MYO7B: variants seen among roughly 807,000 people sequenced by gnomAD.
The protein encoded by MYO7B is unconventional myosin-VIIb.
MYO7B carries 212 observed loss-of-function variants against 259.7 expected under a neutral mutation model. That is an observed-to-expected ratio of 0.82 (90% CI 0.73 to 0.91). MYO7B has a LOEUF of 0.91. MYO7B is among the 40% of genes least tolerant of loss of function. The probability of loss-of-function intolerance (pLI) is 0.00; values close to 1 mark genes in which losing one functional copy is unlikely to be tolerated. For synonymous variants in MYO7B, 1,197 were observed against 1,166.4 expected (o/e 1.03, Z -0.54); for missense variants, 2,732 against 2,813.5 (o/e 0.97, Z 0.66).
intron 1 of MYO7B, among the ~76,000 whole-genome samples, chr2:127,558,581 ATG>A (rs1677923234): frequency 6.6e-6 from 1 of 152,238 alleles, no homozygotes; most frequent in African/African-American, 2.4e-5. Flanking sequence ...AATTGCAAAA[ATG>A]TGGAACCAGC....
Position 127,620,375 on chromosome 2 carries a change from C to A in MYO7B, c.3434C>A (p.Ser1145Ter). 6.2e-7 allele frequency: 1 copy of A among 1,612,246 alleles called. No individual in the cohort carries two copies. Among genetic ancestry groups the A allele is most frequent in the Non-Finnish European group, 8.5e-7 (1 of 1,178,660 alleles). Residue 1145 changes from serine (S) to a stop codon, truncating the protein, a stop_gained, in exon 27 of 48, where the codon TCG (serine) becomes TAG (stop). Transcript: ENST00000409816. LOFTEE classifies it high-confidence loss of function. Reference protein sequence around the residue: ...EIYCQICKQLSENFKTSSLAR... With the variant: ...EIYCQICKQL The stretch of plus-strand genomic sequence containing the variant: ...TACTGCCAGATCTGCAAGCAGCTCT[C>A]GGAGAACTTCAAAACAAGCAGCCTG...
At chr2:127,620,277 T>A (rs1558840930) in intron 26 of MYO7B, 63 bp from the exon 27 acceptor site, 22 of 1,548,618 alleles carry the variant, frequency 1.4e-5, no homozygotes, top group African/African-American at 4.1e-5. Context: ...TGTGCCCAGG[T>A]ACCCCTGTCT....
At position 127,624,227 on chromosome 2, in the gene MYO7B, CT is replaced by C. The variant is rs1680992367; in HGVS notation, c.3955del (p.Trp1319GlyfsTer135). On this transcript the variant is annotated frameshift_variant, in exon 30 of 48. Coordinates refer to ENST00000409816, the MANE Select transcript of MYO7B (RefSeq NM_001393586.1). LOFTEE classifies it high-confidence loss of function. ...IYFRKEFFTPWHDSREDPVST... is the reference protein window; with the variant it reads ...IYFRKEFFTPXHDSREDPVST... ...ACTTCCGGAAGGAATTCTTCACCCCCTGGCACGACTCCCGGGAGGACCCTGT... is the reference window on the plus strand; with the variant it reads ...ACTTCCGGAAGGAATTCTTCACCCCCGGCACGACTCCCGGGAGGACCCTGT... The C allele has an allele frequency of 1.3e-6, 2 of 1,597,654 alleles. No homozygotes were observed. Among genetic ancestry groups the C allele is most frequent in the Non-Finnish European group, 8.5e-7 (1 of 1,172,870 alleles).
At chr2:127,637,079 C>T in intron 47 of MYO7B, 166 bp downstream of exon 47, 2 of 1,286,486 alleles carry the variant, frequency 1.6e-6, no homozygotes, top group Non-Finnish European at 2.2e-6. Flanking sequence ...CCAGGACCAG[C>T]AGCCAAGGTG....
intron 35 of MYO7B, 61 bp from the exon 36 acceptor site, chr2:127,630,717 C>G: frequency 6.3e-7 from 1 of 1,598,212 alleles, no homozygotes; most frequent in Non-Finnish European, 8.5e-7. Flanking sequence ...CGGGAGGAGC[C>G]TGCAGGAAGG....
At chr2:127,565,628 C>A (rs1200503283) in intron 4 of MYO7B, among the ~76,000 whole-genome samples, 2 of 152,242 alleles carry the variant, frequency 1.3e-5, no homozygotes, top group African/African-American at 2.4e-5. Flanking sequence ...AGTCTCTGCT[C>A]AGTGAGGGCT....
Position 127,577,866 on chromosome 2 carries a change from G to T in MYO7B, c.850-267G>T, listed in dbSNP as rs1678937632. Among the ~76,000 whole-genome samples the T allele has an allele frequency of 6.6e-6, 1 of 152,188 alleles. No homozygotes were observed. The highest frequency in any genetic ancestry group is 2.1e-4 in the South Asian group (1 of 4,832). ...TCCCCCAGAGAGACAAGGCAAGCTC[G>T]AGTAGGGACGAACGACAAATAGAGG... On this transcript the variant is annotated intron_variant, in intron 8 of 47. Coordinates refer to ENST00000409816, the MANE Select transcript of MYO7B (RefSeq NM_001393586.1). The surrounding 1 kb of genome is among the most constrained non-coding windows in gnomAD (Gnocchi z 5.2).
At chr2:127,616,746 CAG>C (rs1276620963) in intron 26 of MYO7B, among the ~76,000 whole-genome samples, 2 of 152,238 alleles carry the variant, frequency 1.3e-5, no homozygotes, top group South Asian at 2.1e-4. Flanking sequence ...ACCCCTGAAG[CAG>C]AGCTGTGGCC....
At chr2:127,558,823 T>C (rs901398667) in intron 1 of MYO7B, among the ~76,000 whole-genome samples, 1 of 152,100 alleles carries the variant, frequency 6.6e-6, no homozygotes, top group Non-Finnish European at 1.5e-5. Flanking sequence ...TTCTCACTCA[T>C]AAGTGGGAGC....
Position 127,609,758 on chromosome 2 carries a change from A to G in MYO7B, c.3024+43A>G. On this transcript the variant is annotated intron_variant, in intron 23 of 47. Coordinates refer to ENST00000409816, the MANE Select transcript of MYO7B (RefSeq NM_001393586.1). This position sits in a 1 kb window ranked among gnomAD's most constrained non-coding sequence, Gnocchi z 6.9. ...CTTCTAGTGGATCAGGCCAGCCCCG[A>G]GCCTGGGGTGTGAGCTATGGCTCGG... 6.2e-7 allele frequency: 1 copy of G among 1,612,562 alleles called. No homozygotes were observed. The highest frequency in any genetic ancestry group is 8.5e-7 in the Non-Finnish European group (1 of 1,178,738).
chr2:127,625,032 A>G (rs1358432808), intron 30 of MYO7B, among the ~76,000 whole-genome samples: 1 of 152,010 alleles, frequency 6.6e-6, no homozygotes, highest in Non-Finnish European at 1.5e-5. Context: ...AAACTCCGCA[A>G]GGGGGGCTAC....
Position 127,625,444 on chromosome 2 carries a change from A to C in MYO7B, c.4124A>C (p.Gln1375Pro), listed in dbSNP as rs907876865. 7 of 1,611,914 alleles carry C rather than the reference A, an allele frequency of 4.3e-6. No individual in the cohort carries two copies. The South Asian group carries it at 7.7e-5, about 18-fold the overall frequency. The change falls in exon 31 of 48, where the codon CAG (glutamine) becomes CCG (proline). Residue 1375 changes from glutamine to proline, a missense_variant. Physicochemically the swap from Gln to Pro is moderately conservative, Grantham distance 76. Around this residue, in one of 3 missense-constraint regions of MYO7B, gnomAD observed 1,906 missense variants for 2,026.4 expected, o/e 0.94. Transcript: ENST00000409816. ...LGASAESKAV[Q>P]ELLPSCIPHK... ...GCCTCAGCAGAGAGCAAGGCTGTCCAGGAGCTGCTGCCCAGCTGCATCCCC... is the reference window on the plus strand; with the variant it reads ...GCCTCAGCAGAGAGCAAGGCTGTCCCGGAGCTGCTGCCCAGCTGCATCCCC...
In MYO7B at chr2:127,576,806, G is replaced by A. The variant is rs913438382; in HGVS notation, c.849+98G>A. The stretch of plus-strand genomic sequence containing the variant: ...CGCGACAGCTGCAGAGAAGCCCAAC[G>A]CTGGCCGGGCCCCTGAGGCGGGGCT... On this transcript the variant is annotated intron_variant, in intron 8 of 47. Coordinates refer to ENST00000409816, the MANE Select transcript of MYO7B (RefSeq NM_001393586.1). The surrounding 1 kb of genome is among the most constrained non-coding windows in gnomAD (Gnocchi z 4.9). 4.8e-6 allele frequency: 4 copies of A among 833,854 alleles called. 1 individual carries two copies. The highest frequency in any genetic ancestry group is 2.8e-5 in the East Asian group (1 of 35,506). 51.7% of individuals were successfully genotyped at this position (833,854 alleles called of 1,614,324 possible).
chr2:127,546,816 CT>C lies in MYO7B; in HGVS notation c.-24+10986del, dbSNP rs1693249149. 6.6e-6 allele frequency among the ~76,000 whole-genome samples: 1 copy of C among 151,814 alleles called. No homozygotes were observed. The highest frequency in any genetic ancestry group is 2.1e-4 in the South Asian group (1 of 4,806). On this transcript the variant is annotated intron_variant, in intron 1 of 47. Transcript: ENST00000409816. The surrounding 1 kb of genome is among the most constrained non-coding windows in gnomAD (Gnocchi z 4.2). ...TCCATCCATCCATCAATCCATTCAT[CT>C]GTTTGTTCATTCACCTATTCACCCA...
chr2:127,558,327 A>G (rs531929733), intron 1 of MYO7B, among the ~76,000 whole-genome samples: 9 of 152,236 alleles, frequency 5.9e-5, no homozygotes, highest in Non-Finnish European at 1.0e-4. Flanking sequence ...AATGGCCATA[A>G]TTAAAAAATC....
intron 5 of MYO7B, among the ~76,000 whole-genome samples, chr2:127,568,488 G>A (rs148771892): frequency 1.4e-3 from 210 of 152,312 alleles, no homozygotes; most frequent in Non-Finnish European, 2.3e-3. Context: ...TTATAAAAAC[G>A]CCTGGCGCTT....
chr2:127,622,890 T>C (rs1475947003), intron 28 of MYO7B, among the ~76,000 whole-genome samples: 6 of 152,170 alleles, frequency 3.9e-5, no homozygotes, highest in Non-Finnish European at 8.8e-5. Flanking sequence ...CACACCAAGC[T>C]CAGGATTCTC....
rs141566318 is a variant in MYO7B at position 127,618,271 on chromosome 2, T to C, written c.3399-2069T>C. On this transcript the variant is annotated intron_variant, in intron 26 of 47. Coordinates refer to ENST00000409816, the MANE Select transcript of MYO7B (RefSeq NM_001393586.1). ...GAGACGGAACGAAGGGGGATGAACG[T>C]AGAAATGAAAACTTAAAACAAAAGA... Among the ~76,000 whole-genome samples the C allele has an allele frequency of 1.8e-3, 271 of 152,166 alleles. 2 individuals carry two copies. Among genetic ancestry groups the C allele is most frequent in the Middle Eastern group, 0.01 (3 of 294 alleles).
At chr2:127,578,396 A>G in intron 9 of MYO7B, 110 bp downstream of exon 9, 1 of 1,358,756 alleles carries the variant, frequency 7.4e-7, no homozygotes, top group Non-Finnish European at 1.0e-6. Context: ...GGTCCAACCC[A>G]GGCCTGGAAA....
Sources: allele counts gnomAD v4.1 joint callset (sites outside exome capture counted in the v4.1 genomes callset), GRCh38; gene constraint gnomAD v4.1.1; regional missense constraint gnomAD v4.1.1; non-coding constraint Gnocchi (gnomAD v3.1); transcripts MANE v1.5; gene names NCBI Gene and HGNC (gene_info 2026-07-23, HGNC 2026-07-21).